The following DLG2 variants were observed in gnomAD, a reference collection of about 807,000 sequenced individuals.
The protein encoded by DLG2 is disks large homolog 2.
In DLG2, 45 loss-of-function variants were observed where a neutral mutation model predicts 132.5. That is an observed-to-expected ratio of 0.34 (90% CI 0.27 to 0.44). DLG2 has a LOEUF of 0.44. DLG2 is among the 20% of genes least tolerant of loss of function. The pLI is 1.00. For synonymous variants in DLG2, 424 were observed against 419.6 expected, an observed-to-expected ratio of 1.01 and a Z score of -0.13; for missense variants, 1,045 against 1,196.9, an observed-to-expected ratio of 0.87 and a Z score of 1.87.
chr11:84,412,414 A>G (rs2098911416), intron 7 of DLG2, among the ~76,000 whole-genome samples: 1 of 152,162 alleles, frequency 6.6e-6, no homozygotes, highest in South Asian at 2.1e-4. Context: ...TGGAAATGCC[A>G]TAATGGAGGA....
At chr11:84,578,781 T>C (rs1034943815) in intron 6 of DLG2, among the ~76,000 whole-genome samples, 1 of 152,108 alleles carries the variant, frequency 6.6e-6, no homozygotes, top group Admixed American at 6.5e-5. Flanking sequence ...GGTTTTGGAA[T>C]GCGAAGACAT....
At chr11:83,629,067 A>G (rs997031854) in intron 19 of DLG2, among the ~76,000 whole-genome samples, 5 of 152,172 alleles carry the variant, frequency 3.3e-5, no homozygotes, top group Non-Finnish European at 7.4e-5. Flanking sequence ...ACCTCATATC[A>G]GAGCTTCAAA....
chr11:85,410,516 C>A (rs886115508), intron 3 of DLG2, among the ~76,000 whole-genome samples: 1 of 151,614 alleles, frequency 6.6e-6, no homozygotes, highest in African/African-American at 2.4e-5. Context: ...CTACAATCTG[C>A]CCCAAAATTG....
intron 3 of DLG2, among the ~76,000 whole-genome samples, chr11:85,459,652 G>A (rs1482167780): frequency 6.6e-6 from 1 of 152,178 alleles, no homozygotes; most frequent in Admixed American, 6.5e-5. Context: ...TATAGTGGCT[G>A]TAGTGTGCTG....
At chr11:83,486,837 A>T (rs2093544737) in intron 21 of DLG2, among the ~76,000 whole-genome samples, 1 of 152,036 alleles carries the variant, frequency 6.6e-6, no homozygotes, top group Admixed American at 6.6e-5. Flanking sequence ...ACATTCACAG[A>T]CTTAAAAGTC....
At chr11:84,210,230 C>A (rs191310512) in intron 8 of DLG2, among the ~76,000 whole-genome samples, 2 of 151,832 alleles carry the variant, frequency 1.3e-5, no homozygotes, top group Admixed American at 6.6e-5. Context: ...TTACAGTAAG[C>A]CAAGATAGAG....
At chr11:84,754,296 G>A (rs1314668429) in intron 6 of DLG2, among the ~76,000 whole-genome samples, 3 of 152,114 alleles carry the variant, frequency 2.0e-5, no homozygotes, top group African/African-American at 7.2e-5. Flanking sequence ...GGTAGAGATA[G>A]GAAATGAAGC....
chr11:84,485,347 G>T (rs1184694085), intron 7 of DLG2, among the ~76,000 whole-genome samples: 4 of 152,092 alleles, frequency 2.6e-5, no homozygotes, highest in Non-Finnish European at 4.4e-5. Flanking sequence ...CAGAGCCAAA[G>T]TGAGTCATGT....
chr11:83,845,797 C>G lies in DLG2; in HGVS notation c.1566-12027G>C, dbSNP rs541750510. 2.6e-4 allele frequency among the ~76,000 whole-genome samples: 39 copies of G among 152,260 alleles called. 1 individual carries two copies. In the South Asian group the frequency reaches 7.9e-3, roughly 31 times the overall value. On this transcript the variant is annotated intron_variant, in intron 16 of 27. Transcript: ENST00000376104. The stretch of plus-strand genomic sequence containing the variant: ...GATCTAGGCTTGAATCATAATCCTA[C>G]CAATAAATACTTGAGTAACCTTGGT...
At chr11:85,120,019 G>C (rs959401981) in intron 5 of DLG2, among the ~76,000 whole-genome samples, 1 of 151,960 alleles carries the variant, frequency 6.6e-6, no homozygotes, top group East Asian at 1.9e-4. Flanking sequence ...TGATCTTCTT[G>C]AATTTCAAAA....
At chr11:84,026,020 A>G (rs761371963) in intron 11 of DLG2, among the ~76,000 whole-genome samples, 4 of 152,150 alleles carry the variant, frequency 2.6e-5, no homozygotes, top group Non-Finnish European at 5.9e-5. Context: ...AATTATTTCC[A>G]GAAGAAATTG....
intron 18 of DLG2, among the ~76,000 whole-genome samples, chr11:83,779,796 T>C (rs1208178302): frequency 6.6e-6 from 1 of 152,206 alleles, no homozygotes; most frequent in African/African-American, 2.4e-5. Context: ...CTACACAGAA[T>C]CTATCAAGTT....
chr11:85,577,681 C>T (rs529787074), intron 3 of DLG2, among the ~76,000 whole-genome samples: 2 of 152,006 alleles, frequency 1.3e-5, no homozygotes, highest in Admixed American at 6.6e-5. Context: ...ATTGAATGAA[C>T]CTACCTAAGT....
At position 84,060,350 on chromosome 11, in the gene DLG2, C is replaced by A. The variant is rs969557152; in HGVS notation, c.750-866G>T. ...AATAATAATAATAAATTAAATAAGT[C>A]TGTCAGCTTTCTGGCAAATTATCTT... On this transcript the variant is annotated intron_variant, in intron 10 of 27. Transcript: ENST00000376104. 2.2e-4 allele frequency among the ~76,000 whole-genome samples: 33 copies of A among 151,998 alleles called. 1 individual carries two copies. Among genetic ancestry groups the A allele is most frequent in the African/African-American group, 7.7e-4 (32 of 41,396 alleles).
chr11:85,418,817 G>T (rs2090068084), intron 3 of DLG2, among the ~76,000 whole-genome samples: 1 of 152,040 alleles, frequency 6.6e-6, no homozygotes, highest in Admixed American at 6.6e-5. Context: ...TTTTGAGCCT[G>T]TGTGTGTCTT....
chr11:84,208,683 T>G (rs550654154), intron 8 of DLG2, among the ~76,000 whole-genome samples: 2 of 151,866 alleles, frequency 1.3e-5, no homozygotes, highest in Non-Finnish European at 2.9e-5. Context: ...GAAAGAAAAA[T>G]AAAGAAAATG....
intron 7 of DLG2, among the ~76,000 whole-genome samples, chr11:84,301,675 A>G (rs1230470991): frequency 6.6e-6 from 1 of 150,950 alleles, no homozygotes; most frequent in Non-Finnish European, 1.5e-5. Flanking sequence ...AAAAAAAAAA[A>G]AGTCAAGAAA....
chr11:84,290,542 G>A (rs1259605493), intron 7 of DLG2, among the ~76,000 whole-genome samples: 3 of 152,076 alleles, frequency 2.0e-5, no homozygotes, highest in African/African-American at 7.2e-5. Context: ...TTGTGTGTGA[G>A]GGAAAATGAT....
chr11:84,916,348 CAAAAAAAAAAAAAA>C (rs11423369), intron 6 of DLG2, among the ~76,000 whole-genome samples: 200 of 27,972 alleles, frequency 7.2e-3, no homozygotes, highest in African/African-American at 0.025. Context: ...GACTCCGTCT[CAAAAAAAAAAAAAA>C]AAAAAAAAAA....
Sources: allele counts gnomAD v4.1 joint callset (sites outside exome capture counted in the v4.1 genomes callset), GRCh38; gene constraint gnomAD v4.1.1; transcripts MANE v1.5; gene names NCBI Gene and HGNC (gene_info 2026-07-23, HGNC 2026-07-21).